Variants in MS4A8 observed in about 807,000 individuals in gnomAD.
MS4A8 encodes the protein membrane spanning 4-domains A8.
Under a neutral mutation model 23.7 loss-of-function variants are expected in MS4A8, and 27 were observed. The ratio of observed to expected loss-of-function variants is 1.14; its 90% CI spans 0.84 to 1.57. The LOEUF (loss-of-function observed/expected upper bound fraction) is 1.57. Among genes scored for constraint, MS4A8 ranks in the 40% most tolerant of loss-of-function variants. The probability of loss-of-function intolerance (pLI) is 0.00; values close to 1 mark genes in which losing one functional copy is unlikely to be tolerated. For missense variants in MS4A8, 301 were observed against 311.4 expected (o/e 0.97, Z 0.25); for synonymous variants, 138 against 126.3 (o/e 1.09, Z -0.62).
Position 60,715,362 on chromosome 11 carries a change from A to G in MS4A8, c.701A>G (p.Glu234Gly), listed in dbSNP as rs761009887. The G allele has an allele frequency of 5.0e-6, 8 of 1,614,074 alleles. No homozygotes were observed. The South Asian group carries it at 8.8e-5, about 18-fold the overall frequency. The change falls in exon 7 of 7, where the codon GAA (glutamate) becomes GGA (glycine). Residue 234 changes from glutamate (E) to glycine (G), a missense_variant. Glu to Gly is a moderately conservative substitution (Grantham distance 98, BLOSUM62 -2). Transcript: ENST00000300226. ...GCAGCAAACCCAGTGATCACCCCAG[A>G]ACCGGTGACCTCACCACCAAGTTAT... ...IYAANPVITP[E>G]PVTSPPSYSS...
intron 3 of MS4A8, among the ~76,000 whole-genome samples, chr11:60,705,708 C>T (rs1055419712): frequency 1.3e-5 from 2 of 152,214 alleles, no homozygotes; most frequent in Non-Finnish European, 2.9e-5. Flanking sequence ...TAAGTTTTCA[C>T]TGTAAATAAC....
intron 5 of MS4A8, among the ~76,000 whole-genome samples, chr11:60,713,286 A>C (rs768302951): frequency 1.6e-4 from 25 of 152,204 alleles, no homozygotes; most frequent in Non-Finnish European, 3.2e-4. Flanking sequence ...ACAGAGAAAG[A>C]AAAAGGGGGC....
chr11:60,701,091 T>A lies in MS4A8; in HGVS notation c.219+12T>A, dbSNP rs753447213. The A allele has an allele frequency of 6.2e-7, 1 of 1,612,336 alleles. No homozygotes were observed. Among genetic ancestry groups the A allele is most frequent in the Non-Finnish European group, 8.5e-7 (1 of 1,178,792 alleles). On this transcript the variant is annotated intron_variant, in intron 2 of 6. Transcript: ENST00000300226. ...GCAAAACCTTGGGGGTAAGTGAGAT[T>A]TCCCTTTGCAGGCCACAGACTGCAC...
intron 1 of MS4A8, among the ~76,000 whole-genome samples, chr11:60,700,312 G>A (rs1321296328): frequency 2.6e-5 from 4 of 152,238 alleles, no homozygotes; most frequent in Non-Finnish European, 4.4e-5. Context: ...TTGGGAGGCC[G>A]AGGCAAGCGG....
rs145301373 is a variant in MS4A8 at position 60,703,411 on chromosome 11, G to A, written c.253G>A (p.Gly85Ser). The A allele has an allele frequency of 8.1e-6, 13 of 1,602,216 alleles. No individual in the cohort carries two copies. Among genetic ancestry groups the A allele is most frequent in the African/African-American group, 5.4e-5 (4 of 74,146 alleles). The change falls in exon 3 of 7, where the codon GGC becomes AGC. Residue 85 changes from glycine to serine, a missense_variant. By Grantham distance (56) the Gly-to-Ser change is moderately conservative. Coordinates refer to ENST00000300226, the MANE Select transcript of MS4A8 (RefSeq NM_031457.2). ...GATCATCATTGGCCTGGCTCACATCGGCCTCGGCTCCATCATGGCGACGGT... is the reference window on the plus strand; with the variant it reads ...GATCATCATTGGCCTGGCTCACATCAGCCTCGGCTCCATCATGGCGACGGT... ...IQIIIGLAHI[G>S]LGSIMATVLV...
intron 5 of MS4A8, among the ~76,000 whole-genome samples, chr11:60,713,877 G>A (rs1014646859): frequency 1.3e-4 from 20 of 150,558 alleles, no homozygotes; most frequent in African/African-American, 4.2e-4. Context: ...TGAGATTAGG[G>A]AGTGGTTTGA....
At chr11:60,701,150 G>A in intron 2 of MS4A8, 71 bp downstream of exon 2, 4 of 1,420,822 alleles carry the variant, frequency 2.8e-6, no homozygotes, top group Non-Finnish European at 3.9e-6. Context: ...GGGAAGGCCT[G>A]GGAAATACAC....
chr11:60,708,903 C>G, intron 5 of MS4A8, 122 bp downstream of exon 5: 1 of 1,235,770 alleles, frequency 8.1e-7, no homozygotes, highest in Non-Finnish European at 1.2e-6. Flanking sequence ...GAGGTGCTTT[C>G]AGCATAGGAA....
intron 4 of MS4A8, 86 bp downstream of exon 4, chr11:60,707,133 C>T (rs970959805): frequency 1.2e-5 from 15 of 1,231,624 alleles, no homozygotes; most frequent in Non-Finnish European, 1.8e-5. Flanking sequence ...CATACGATTC[C>T]TCCCCCAGCC....
chr11:60,705,057 C>T (rs748745351), intron 3 of MS4A8, among the ~76,000 whole-genome samples: 4 of 152,192 alleles, frequency 2.6e-5, no homozygotes, highest in African/African-American at 4.8e-5. Context: ...GCCCAAGTCC[C>T]TCTACCTTAT....
chr11:60,715,369 G>A lies in MS4A8; in HGVS notation c.708G>A (p.Val236=). The A allele has an allele frequency of 5.6e-6, 9 of 1,614,074 alleles. No homozygotes were observed. The highest frequency in any genetic ancestry group is 7.6e-6 in the Non-Finnish European group (9 of 1,180,030). Residue 236 remains valine, a synonymous_variant, in exon 7 of 7, where the codon GTG becomes GTA. Transcript: ENST00000300226. ...AANPVITPEP[V]TSPPSYSSEI... ...ACCCAGTGATCACCCCAGAACCGGTGACCTCACCACCAAGTTATTCCAGTG... is the reference window on the plus strand; with the variant it reads ...ACCCAGTGATCACCCCAGAACCGGTAACCTCACCACCAAGTTATTCCAGTG...
chr11:60,707,836 G>A (rs1478889323), intron 4 of MS4A8, among the ~76,000 whole-genome samples: 1 of 25,232 alleles, frequency 4.0e-5, no homozygotes, highest in Non-Finnish European at 8.9e-5. Context: ...TTTTTTTTTT[G>A]TGTGTGTGTG....
chr11:60,707,670 C>T (rs2088267891), intron 4 of MS4A8, among the ~76,000 whole-genome samples: 2 of 152,140 alleles, frequency 1.3e-5, no homozygotes, highest in East Asian at 3.9e-4. Context: ...AATGTGGAAG[C>T]GTATCTTTCT....
intron 5 of MS4A8, chr11:60,711,977 G>A: frequency 3.7e-6 from 1 of 269,358 alleles, no homozygotes; most frequent in Non-Finnish European, 7.6e-6. Context: ...AGATACTCCG[G>A]GGTTTCCACA....
chr11:60,704,021 TG>T (rs2088230303), intron 3 of MS4A8, among the ~76,000 whole-genome samples: 1 of 151,484 alleles, frequency 6.6e-6, no homozygotes, highest in South Asian at 2.1e-4. Context: ...CGAAATTTGG[TG>T]GGGGATAGAG....
At chr11:60,704,152 ACT>A (rs2088232257) in intron 3 of MS4A8, among the ~76,000 whole-genome samples, 1 of 122,358 alleles carries the variant, frequency 8.2e-6, no homozygotes, top group Non-Finnish European at 1.6e-5. Context: ...ATGGAGTCTC[ACT>A]CTGTCGCCCA....
chr11:60,706,702 TC>T (rs1205582877), intron 3 of MS4A8, among the ~76,000 whole-genome samples: 4 of 152,380 alleles, frequency 2.6e-5, no homozygotes, highest in African/African-American at 9.6e-5. Flanking sequence ...TATAAATTTT[TC>T]CATTTTGTAG....
rs568138342 is a variant in MS4A8 at position 60,704,319 on chromosome 11, C to A, written c.342+819C>A. The stretch of plus-strand genomic sequence containing the variant: ...TATTTTTAGTAGTGACAAGATTTCA[C>A]CACGTTGGCCAGGCTGGTCTCAAAC... On this transcript the variant is annotated intron_variant, in intron 3 of 6. Coordinates refer to ENST00000300226, the MANE Select transcript of MS4A8 (RefSeq NM_031457.2). 3.3e-5 allele frequency among the ~76,000 whole-genome samples: 5 copies of A among 152,020 alleles called. No homozygotes were observed. In the South Asian group the frequency reaches 1.0e-3, roughly 32 times the overall value.
rs1318314307 is a variant in MS4A8 at position 60,706,950 on chromosome 11, C to T, written c.343-38C>T. The T allele has an allele frequency of 8.2e-6, 13 of 1,594,004 alleles. No homozygotes were observed. In the South Asian group the frequency reaches 1.3e-4, roughly 16 times the overall value. ...GAAGCCTGGGGAAGGGCACCCTAGCCCCTGACCTCTTTCTAAACCCACTCT... is the reference window on the plus strand; with the variant it reads ...GAAGCCTGGGGAAGGGCACCCTAGCTCCTGACCTCTTTCTAAACCCACTCT... On this transcript the variant is annotated intron_variant, in intron 3 of 6. Transcript: ENST00000300226.
Sources: gnomAD v4.1 joint callset for allele counts (sites outside exome capture counted in the v4.1 genomes callset) on GRCh38, gnomAD v4.1.1 for gene constraint, MANE v1.5 for transcripts, NCBI Gene and HGNC (gene_info 2026-07-23, HGNC 2026-07-21) for gene names.